The following ESRRG variants were observed in gnomAD, a reference collection of about 807,000 sequenced individuals.
ESRRG encodes the protein estrogen related receptor gamma.
ESRRG carries 13 observed loss-of-function variants against 44.0 expected under a neutral mutation model. The ratio of observed to expected loss-of-function variants is 0.30; its 90% CI spans 0.19 to 0.47. ESRRG has a LOEUF of 0.47. Ranked by LOEUF, ESRRG falls within the 20% of genes least tolerant of loss-of-function variation. The pLI is 1.00. For synonymous variants in ESRRG, 215 were observed against 214.6 expected (o/e 1.00, Z -0.02); for missense variants, 395 against 580.6 (o/e 0.68, Z 3.29).
At chr1:217,133,929 T>G (rs2093011261) in intron 1 of ESRRG, among the ~76,000 whole-genome samples, 1 of 152,076 alleles carries the variant, frequency 6.6e-6, no homozygotes, top group African/African-American at 2.4e-5. Flanking sequence ...AGCCACCGGT[T>G]TCTGCCTATG....
At chr1:216,786,430 T>C (rs975739539) in intron 2 of ESRRG, among the ~76,000 whole-genome samples, 1 of 152,100 alleles carries the variant, frequency 6.6e-6, no homozygotes, top group Admixed American at 6.6e-5. Context: ...ACCTACCATG[T>C]ATTAAGCTCT....
chr1:216,749,699 T>C (rs1233510074), intron 2 of ESRRG, among the ~76,000 whole-genome samples: 1 of 152,062 alleles, frequency 6.6e-6, no homozygotes, highest in Non-Finnish European at 1.5e-5. Context: ...AAGTTTCCAG[T>C]CCCCATATTT....
At chr1:217,036,160 A>G (rs2082860113) in intron 1 of ESRRG, among the ~76,000 whole-genome samples, 2 of 152,176 alleles carry the variant, frequency 1.3e-5, no homozygotes, top group Admixed American at 6.5e-5. Context: ...GTCAAAAAAT[A>G]ACAGATGCTA....
chr1:217,076,218 A>G (rs1226615679), intron 1 of ESRRG, among the ~76,000 whole-genome samples: 1 of 152,114 alleles, frequency 6.6e-6, no homozygotes, highest in African/African-American at 2.4e-5. Flanking sequence ...TGTGACTCTG[A>G]GCATCTTCAT....
intron 2 of ESRRG, among the ~76,000 whole-genome samples, chr1:216,929,910 C>T (rs888869433): frequency 2.0e-5 from 3 of 152,132 alleles, no homozygotes; most frequent in African/African-American, 4.8e-5. Flanking sequence ...CCCATGTTCT[C>T]ATAGAAACCG....
chr1:217,010,838 G>T (rs17686743), intron 1 of ESRRG, among the ~76,000 whole-genome samples: 23,971 of 152,154 alleles, frequency 0.16, 2,466 homozygotes, highest in Admixed American at 0.22. Flanking sequence ...TGTAGACCAG[G>T]AAGCTAACGT....
At chr1:216,734,974 T>C (rs2089605192) in intron 2 of ESRRG, among the ~76,000 whole-genome samples, 1 of 146,458 alleles carries the variant, frequency 6.8e-6, no homozygotes, top group Non-Finnish European at 1.5e-5. Flanking sequence ...AGTGGTGCGA[T>C]CTTGGCTTAC....
At chr1:216,901,762 T>C (rs1451551809) in intron 2 of ESRRG, among the ~76,000 whole-genome samples, 2 of 151,732 alleles carry the variant, frequency 1.3e-5, no homozygotes, top group Non-Finnish European at 2.9e-5. Context: ...TACTGATACT[T>C]CTTTTATTTT....
At chr1:216,901,192 G>A (rs1045897808) in intron 2 of ESRRG, among the ~76,000 whole-genome samples, 13 of 152,086 alleles carry the variant, frequency 8.5e-5, no homozygotes, top group African/African-American at 3.1e-4. Context: ...GACAGGATGG[G>A]TACAGAATCA....
chr1:216,943,135 C>T (rs944288625), intron 1 of ESRRG, among the ~76,000 whole-genome samples: 1 of 152,132 alleles, frequency 6.6e-6, no homozygotes, highest in African/African-American at 2.4e-5. Context: ...GTACTTTTCA[C>T]ATGCATTACA....
In ESRRG at chr1:217,133,653, T is replaced by C. The variant is rs377257217; in HGVS notation, c.-230+4014A>G. Among the ~76,000 whole-genome samples the C allele has an allele frequency of 7.4e-3, 331 of 44,626 alleles. 2 individuals carry two copies. The highest frequency in any genetic ancestry group is 0.024 in the African/African-American group (242 of 10,244). The allele number at this position is 44,626 out of a possible 152,430, so 29.3% of individuals were successfully genotyped here. A position where few individuals can be genotyped will look rare whatever the true frequency, so the allele number is the denominator to read the frequency against. On this transcript the variant is annotated intron_variant, in intron 1 of 8. Transcript: ENST00000366940. ...TCTTTCTCTCTCTCTCTCTCTTTCT[T>C]TCTTTCTTTCTTTCTTTCTTTCTTT...
chr1:216,637,476 T>C (rs915433979), intron 3 of ESRRG, among the ~76,000 whole-genome samples: 1 of 152,162 alleles, frequency 6.6e-6, no homozygotes, highest in Admixed American at 6.5e-5. Flanking sequence ...ACAAAGGAAG[T>C]AATAGCAGAG....
intron 2 of ESRRG, among the ~76,000 whole-genome samples, chr1:216,661,553 C>A (rs2072422747): frequency 1.3e-5 from 2 of 152,150 alleles, no homozygotes; most frequent in South Asian, 4.1e-4. Flanking sequence ...CTTTTGCAGA[C>A]CGGTACAAGT....
In ESRRG at chr1:216,505,097, T is replaced by TATG. The variant is rs1011842413; in HGVS notation, c.*1841_*1842insCAT. The TATG allele has an allele frequency of 1.1e-4, 17 of 152,776 alleles. No individual in the cohort carries two copies. Among genetic ancestry groups the TATG allele is most frequent in the African/African-American group, 4.1e-4 (17 of 41,580 alleles). 9.5% of individuals were successfully genotyped at this position (152,776 alleles called of 1,614,324 possible). A position where few individuals can be genotyped will look rare whatever the true frequency, so the allele number is the denominator to read the frequency against. On this transcript the variant is annotated 3_prime_UTR_variant, in exon 7 of 7. Transcript: ENST00000408911. Reference sequence around the variant, plus strand: ...AAAGCTGAACTACATTTCTTTTGTTTGTTAGGATTACAATTTTAATTACAT... The same window carrying TATG: ...AAAGCTGAACTACATTTCTTTTGTTTATGGTTAGGATTACAATTTTAATTACAT...
chr1:217,030,184 A>G (rs532507250), intron 1 of ESRRG, among the ~76,000 whole-genome samples: 1 of 151,710 alleles, frequency 6.6e-6, no homozygotes, highest in South Asian at 2.1e-4. Context: ...TCTCTCTCTC[A>G]TGGACATGAC....
chr1:217,111,969 A>G (rs1380200954), intron 1 of ESRRG, among the ~76,000 whole-genome samples: 6 of 151,980 alleles, frequency 3.9e-5, no homozygotes, highest in African/African-American at 1.5e-4. Flanking sequence ...TCCCTCTTAT[A>G]ATGCAGCCAA....
chr1:216,724,360 G>C (rs2087036106), upstream of ESRRG, among the ~76,000 whole-genome samples: 1 of 98,334 alleles, frequency 1.0e-5, no homozygotes, highest in African/African-American at 3.2e-5. Flanking sequence ...AATAAAGACA[G>C]CATTTTTTTT....
chr1:216,650,824 G>C, intron 3 of ESRRG, 149 bp downstream of exon 3: 1 of 672,070 alleles, frequency 1.5e-6, no homozygotes, highest in East Asian at 2.5e-5. Context: ...TTATCAGAAA[G>C]TCCAGGTATA....
intron 1 of ESRRG, among the ~76,000 whole-genome samples, chr1:216,990,787 T>G (rs2075568650): frequency 6.6e-6 from 1 of 152,236 alleles, no homozygotes; most frequent in Non-Finnish European, 1.5e-5. Flanking sequence ...GAACCATGTT[T>G]ATTTTAAAGT....
Sources: gnomAD v4.1 joint callset for allele counts (sites outside exome capture counted in the v4.1 genomes callset) on GRCh38, gnomAD v4.1.1 for gene constraint, MANE v1.5 for transcripts, NCBI Gene and HGNC (gene_info 2026-07-23, HGNC 2026-07-21) for gene names.